The following FAT3 variants were observed in gnomAD, a reference collection of about 807,000 sequenced individuals.
FAT3 encodes the protein protocadherin Fat 3.
A neutral mutation model predicts 310.2 loss-of-function variants in FAT3; 95 were observed. That is an observed-to-expected ratio of 0.31 (90% CI 0.26 to 0.36). The LOEUF (loss-of-function observed/expected upper bound fraction) is 0.36, where lower values mean the gene tolerates loss of function less well. FAT3 is among the 10% of genes least tolerant of loss of function. The pLI, the probability that FAT3 is intolerant of heterozygous loss-of-function variation, is 1.00. For synonymous variants in FAT3, 2,314 were observed against 2,192.9 expected (o/e 1.06, Z -1.54); for missense variants, 5,408 against 5,715.6 (o/e 0.95, Z 1.74).
At position 92,883,487 on chromosome 11, in the gene FAT3, G is replaced by A. The variant is rs1277610645; in HGVS notation, c.12937+94G>A. ...CGCTACGGGAAGGGAGAGAGACCCC[G>A]CATGCAGAGCATTCGCTATGACATG... On this transcript the variant is annotated intron_variant, in intron 24 of 27. Coordinates refer to ENST00000525166, the MANE Select transcript of FAT3 (RefSeq NM_001367949.2). This position sits in a 1 kb window ranked among gnomAD's most constrained non-coding sequence, Gnocchi z 4.2. The A allele has an allele frequency of 1.3e-5, 19 of 1,424,052 alleles. No individual in the cohort carries two copies. The highest frequency in any genetic ancestry group is 7.3e-5 in the East Asian group (3 of 41,282). The allele number at this position is 1,424,052 out of a possible 1,614,324, so 88.2% of individuals were successfully genotyped here.
chr11:92,383,835 G>T (rs1296323263), intron 2 of FAT3, among the ~76,000 whole-genome samples: 2 of 151,566 alleles, frequency 1.3e-5, no homozygotes, highest in Admixed American at 6.6e-5. Context: ...TAAAAGGAAA[G>T]AATTAAAAAG....
intron 2 of FAT3, among the ~76,000 whole-genome samples, chr11:92,454,612 C>G (rs972135296): frequency 1.3e-5 from 2 of 152,070 alleles, no homozygotes; most frequent in Admixed American, 1.3e-4. Flanking sequence ...TTAACTTTAT[C>G]AGGATATATT....
chr11:92,680,398 G>C (rs1202009977), intron 3 of FAT3, among the ~76,000 whole-genome samples: 1 of 152,122 alleles, frequency 6.6e-6, no homozygotes, highest in Non-Finnish European at 1.5e-5. Flanking sequence ...TGTCAACTTT[G>C]TCAAAGATAA....
At chr11:92,234,212 T>C (rs1266090732) in intron 1 of FAT3, among the ~76,000 whole-genome samples, 3 of 152,240 alleles carry the variant, frequency 2.0e-5, no homozygotes, top group Non-Finnish European at 4.4e-5. Flanking sequence ...AAATAACAAT[T>C]TGTCTCTCTT....
Position 92,831,929 on chromosome 11 carries a change from A to C in FAT3, c.9789A>C (p.Lys3263Asn). 6.2e-7 allele frequency: 1 copy of C among 1,604,412 alleles called. No individual in the cohort carries two copies. Among genetic ancestry groups the C allele is most frequent in the South Asian group, 1.1e-5 (1 of 89,224 alleles). Reference sequence around the variant, plus strand: ...TCCTTGCTGTTTTTGCCACCAGCAAAGATATTGGCACAAATGCTGAGATCA... The same window carrying C: ...TCCTTGCTGTTTTTGCCACCAGCAACGATATTGGCACAAATGCTGAGATCA... ...TQVLAVFATS[K>N]DIGTNAEITY... Residue 3263 changes from lysine to asparagine, a missense_variant, in exon 14 of 28, where the codon AAA becomes AAC. Around this residue, in one of 5 missense-constraint regions of FAT3, gnomAD observed 4,588 missense variants for 4,809.8 expected, o/e 0.95. Coordinates refer to ENST00000525166, the MANE Select transcript of FAT3 (RefSeq NM_001367949.2).
chr11:92,849,810 T>C (rs1948774225), intron 19 of FAT3, among the ~76,000 whole-genome samples: 1 of 152,154 alleles, frequency 6.6e-6, no homozygotes, highest in East Asian at 1.9e-4. Context: ...AGGCCCTGGG[T>C]GGGGTGCTGG....
At chr11:92,686,366 A>C (rs950910105) in intron 3 of FAT3, among the ~76,000 whole-genome samples, 1 of 152,208 alleles carries the variant, frequency 6.6e-6, no homozygotes, top group East Asian at 1.9e-4. Flanking sequence ...TTGCAATTAC[A>C]ACATCAAAAT....
chr11:92,309,035 G>T (rs977462190), intron 1 of FAT3, among the ~76,000 whole-genome samples: 2 of 152,062 alleles, frequency 1.3e-5, no homozygotes, highest in African/African-American at 2.4e-5. Flanking sequence ...AAACCCACAG[G>T]CTGCATAAAA....
chr11:92,686,969 T>G (rs1444582272), intron 3 of FAT3, among the ~76,000 whole-genome samples: 1 of 152,216 alleles, frequency 6.6e-6, no homozygotes, highest in East Asian at 1.9e-4. Flanking sequence ...TACAGAACTT[T>G]AGAGTGTTCA....
intron 1 of FAT3, among the ~76,000 whole-genome samples, chr11:92,251,667 T>C (rs1189161985): frequency 2.6e-5 from 4 of 152,180 alleles, no homozygotes; most frequent in East Asian, 1.9e-4. Context: ...CCATGAGTTA[T>C]ATTTTTTAAT....
intron 3 of FAT3, among the ~76,000 whole-genome samples, chr11:92,533,945 A>G (rs937215383): frequency 1.3e-5 from 2 of 152,208 alleles, no homozygotes; most frequent in Non-Finnish European, 2.9e-5. Flanking sequence ...TGTGTTAAAA[A>G]AAAGAGAGAT....
At chr11:92,374,921 G>A (rs1459718677) in intron 2 of FAT3, among the ~76,000 whole-genome samples, 1 of 151,948 alleles carries the variant, frequency 6.6e-6, no homozygotes, top group Non-Finnish European at 1.5e-5. Flanking sequence ...TGTCAGGCAT[G>A]TTGTCTGAAT....
Position 92,799,092 on chromosome 11 carries a change from A to G in FAT3, c.6079A>G (p.Lys2027Glu). Residue 2027 changes from lysine to glutamate, a missense_variant, in exon 10 of 28, where the codon AAG (lysine) becomes GAG (glutamate). Physicochemically the swap from Lys to Glu is moderately conservative, Grantham distance 56. Around this residue, in one of 5 missense-constraint regions of FAT3, gnomAD observed 4,588 missense variants for 4,809.8 expected, o/e 0.95. Transcript: ENST00000525166. ...YSILNPGNKF[K>E]IKSTSGVIQT... ...CATCTTAAACCCAGGAAATAAGTTC[A>G]AGATAAAATCTACCTCAGGGGTCAT... 1 of 1,614,014 alleles carries G rather than the reference A, an allele frequency of 6.2e-7. No individual in the cohort carries two copies. The highest frequency in any genetic ancestry group is 1.1e-5 in the South Asian group (1 of 91,084).
At chr11:92,657,290 A>G (rs180902975) in intron 3 of FAT3, among the ~76,000 whole-genome samples, 1,670 of 152,336 alleles carry the variant, frequency 0.011, 32 homozygotes, top group African/African-American at 0.037. Flanking sequence ...CCAGTAAACT[A>G]AAGTGAGTAA....
chr11:92,853,164 G>T (rs528172897), intron 19 of FAT3, among the ~76,000 whole-genome samples: 16 of 152,356 alleles, frequency 1.1e-4, no homozygotes, highest in African/African-American at 3.4e-4. Context: ...GCACAGCCAG[G>T]CATGCTGGCA....
chr11:92,226,261 A>G (rs1373207963), intron 1 of FAT3, among the ~76,000 whole-genome samples: 1 of 152,162 alleles, frequency 6.6e-6, no homozygotes, highest in East Asian at 1.9e-4. Flanking sequence ...GGATATTTTT[A>G]GCTGTGCTGT....
At chr11:92,670,586 C>G (rs561498834) in intron 3 of FAT3, among the ~76,000 whole-genome samples, 1 of 152,250 alleles carries the variant, frequency 6.6e-6, no homozygotes, top group Non-Finnish European at 1.5e-5. Context: ...TGAGCCAGCT[C>G]GCAAGTGCCT....
intron 13 of FAT3, among the ~76,000 whole-genome samples, chr11:92,821,690 A>G (rs1947971601): frequency 6.6e-6 from 1 of 152,200 alleles, no homozygotes; most frequent in South Asian, 2.1e-4. Flanking sequence ...TTACCAGGGA[A>G]TGAACAGATC....
At chr11:92,780,815 T>C (rs1946726470) in intron 7 of FAT3, among the ~76,000 whole-genome samples, 3 of 152,266 alleles carry the variant, frequency 2.0e-5, no homozygotes, top group East Asian at 3.9e-4. Context: ...AGCCTTCTCA[T>C]AGCTCTAACT....
Sources: gnomAD v4.1 joint callset for allele counts (sites outside exome capture counted in the v4.1 genomes callset) on GRCh38, gnomAD v4.1.1 for gene constraint, gnomAD v4.1.1 regional missense constraint, Gnocchi (gnomAD v3.1) non-coding constraint, MANE v1.5 for transcripts, NCBI Gene and HGNC (gene_info 2026-07-23, HGNC 2026-07-21) for gene names.